Variants in ARB2A observed in about 807,000 individuals in gnomAD.
ARB2A encodes ARB2 cotranscriptional regulator A.
the ARB2A span, among the ~76,000 whole-genome samples, chr5:93,753,964 C>G: frequency 2.1e-4 from 32 of 152,278 alleles, 1 homozygote; most frequent in South Asian, 6.4e-3. Flanking sequence ...GATCCCCTCA[C>G]AATTCAGGTC....
At chr5:93,987,502 A>G in the ARB2A span, among the ~76,000 whole-genome samples, 1 of 152,154 alleles carries the variant, frequency 6.6e-6, no homozygotes, top group African/African-American at 2.4e-5. Flanking sequence ...AAATTTCACT[A>G]AAATTATCTC....
chr5:93,725,314 A>C, the ARB2A span, among the ~76,000 whole-genome samples: 1 of 152,072 alleles, frequency 6.6e-6, no homozygotes, highest in Non-Finnish European at 1.5e-5. Context: ...AGTTTGCTTG[A>C]CTAATTTATG....
chr5:94,086,134 C>T, the ARB2A span, among the ~76,000 whole-genome samples: 2 of 152,162 alleles, frequency 1.3e-5, no homozygotes, highest in Non-Finnish European at 2.9e-5. Context: ...TACTATATAA[C>T]TTGCATAAGC....
chr5:94,031,196 T>C, the ARB2A span, among the ~76,000 whole-genome samples: 2 of 152,126 alleles, frequency 1.3e-5, no homozygotes, highest in African/African-American at 2.4e-5. Flanking sequence ...AAAACCTCTA[T>C]TGCTGTGAAT....
the ARB2A span, among the ~76,000 whole-genome samples, chr5:93,799,899 G>A: frequency 6.6e-6 from 1 of 151,912 alleles, no homozygotes; most frequent in African/African-American, 2.4e-5. Context: ...AAAAATAACA[G>A]CATTTCCCCC....
the ARB2A span, among the ~76,000 whole-genome samples, chr5:93,814,263 C>T: frequency 6.6e-6 from 1 of 152,020 alleles, no homozygotes; most frequent in Non-Finnish European, 1.5e-5. Context: ...ATTGTATGTC[C>T]AGCCAGGCTA....
chr5:93,735,130 GTCTTGGTTTTC>G, the ARB2A span: 1 of 152,142 alleles, frequency 6.6e-6, no homozygotes, highest in Non-Finnish European at 1.5e-5. Flanking sequence ...TAACAATATA[GTCTTGGTTTTC>G]TCCCAACTCT....
At chr5:93,721,192 G>A in the ARB2A span, among the ~76,000 whole-genome samples, 2 of 152,106 alleles carry the variant, frequency 1.3e-5, no homozygotes, top group Admixed American at 6.6e-5. Flanking sequence ...GGAACCTAGC[G>A]AGGCAGCTCT....
chr5:93,909,787 C>T, the ARB2A span, among the ~76,000 whole-genome samples: 3 of 150,468 alleles, frequency 2.0e-5, no homozygotes, highest in African/African-American at 7.3e-5. Flanking sequence ...AAGAACAAAA[C>T]CAATGTAATT....
the ARB2A span, chr5:93,741,744 A>G: frequency 1.5e-6 from 1 of 661,060 alleles, no homozygotes; most frequent in Middle Eastern, 4.2e-4. Context: ...TCCTAGGGTT[A>G]AGGGAGTGAG....
At chr5:93,732,265 C>G in the ARB2A span, among the ~76,000 whole-genome samples, 5 of 152,146 alleles carry the variant, frequency 3.3e-5, no homozygotes, top group Admixed American at 3.3e-4. Context: ...AGGAACTGAC[C>G]TTGCCTTCCA....
chr5:93,791,820 C>T, the ARB2A span, among the ~76,000 whole-genome samples: 3 of 152,160 alleles, frequency 2.0e-5, no homozygotes, highest in Non-Finnish European at 4.4e-5. Context: ...TTATTGCAGG[C>T]GGCCAGAAGA....
the ARB2A span, among the ~76,000 whole-genome samples, chr5:93,701,905 T>G: frequency 1.3e-5 from 2 of 152,204 alleles, no homozygotes; most frequent in Admixed American, 1.3e-4. Context: ...TTTGTAAATA[T>G]GTAGTCCATC....
the ARB2A span, among the ~76,000 whole-genome samples, chr5:94,071,718 T>C: frequency 1.4e-4 from 21 of 152,152 alleles, no homozygotes; most frequent in East Asian, 2.9e-3. Context: ...TAATACCAAA[T>C]GCTGAGGAGG....
chr5:93,987,613 G>A, the ARB2A span, among the ~76,000 whole-genome samples: 18 of 152,084 alleles, frequency 1.2e-4, no homozygotes, highest in African/African-American at 3.4e-4. Flanking sequence ...CTACTTGCTC[G>A]GCATATCTTT....
At chr5:93,996,390 T>C in the ARB2A span, among the ~76,000 whole-genome samples, 1 of 152,072 alleles carries the variant, frequency 6.6e-6, no homozygotes, top group Non-Finnish European at 1.5e-5. Flanking sequence ...ACAGGGGGCT[T>C]TTTGAACTTA....
At chr5:93,919,978 T>A in the ARB2A span, among the ~76,000 whole-genome samples, 1 of 152,166 alleles carries the variant, frequency 6.6e-6, no homozygotes, top group African/African-American at 2.4e-5. Context: ...TTGCTTTATT[T>A]TTTTCTTGAG....
the ARB2A span, among the ~76,000 whole-genome samples, chr5:93,920,425 T>A: frequency 1.3e-5 from 2 of 152,134 alleles, no homozygotes; most frequent in African/African-American, 4.8e-5. Context: ...GGGTTTGAAC[T>A]GTGTGGGTCC....
At chr5:93,959,735 T>C in the ARB2A span, among the ~76,000 whole-genome samples, 1 of 152,180 alleles carries the variant, frequency 6.6e-6, no homozygotes, top group Non-Finnish European at 1.5e-5. Flanking sequence ...GAATAAAAAG[T>C]AAATATTTTT....
Sources: allele counts gnomAD v4.1 joint callset (sites outside exome capture counted in the v4.1 genomes callset), GRCh38; gene constraint gnomAD v4.1.1; transcripts MANE v1.5; gene names NCBI Gene and HGNC (gene_info 2026-07-23, HGNC 2026-07-21).